Variants in DNAJC2 observed in about 807,000 individuals in gnomAD.
DNAJC2 encodes the protein DnaJ heat shock protein family (Hsp40) member C2, also known as dnaJ homolog subfamily C member 2.
DNAJC2 carries 32 observed loss-of-function variants against 94.0 expected under a neutral mutation model. That is an observed-to-expected ratio of 0.34 (90% CI 0.26 to 0.46). The LOEUF (loss-of-function observed/expected upper bound fraction) is 0.46, where lower values mean the gene tolerates loss of function less well. Among genes scored for constraint, DNAJC2 ranks in the 20% least tolerant of loss-of-function variants. The probability of loss-of-function intolerance (pLI) is 1.00; values close to 1 mark genes in which losing one functional copy is unlikely to be tolerated. For synonymous variants in DNAJC2, 210 were observed against 229.7 expected, an observed-to-expected ratio of 0.91 and a Z score of 0.77; for missense variants, 550 against 719.5, an observed-to-expected ratio of 0.76 and a Z score of 2.69.
intron 3 of DNAJC2, among the ~76,000 whole-genome samples, chr7:103,330,572 C>T (rs898485121): frequency 6.6e-6 from 1 of 152,144 alleles, no homozygotes; most frequent in East Asian, 1.9e-4. Flanking sequence ...CTGCCTCAGC[C>T]TCCTGAGTAG....
rs112202572 is a variant in DNAJC2 at position 103,313,543 on chromosome 7, G to A, written c.1637-442C>T. 1.4e-5 allele frequency: 14 copies of A among 983,266 alleles called. No homozygotes were observed. The African/African-American group carries it at 1.6e-4, about 11-fold the overall frequency. 60.9% of individuals were successfully genotyped at this position (983,266 alleles called of 1,614,324 possible). A position where few individuals can be genotyped will look rare whatever the true frequency, so the allele number is the denominator to read the frequency against. ...TAAACTTTTGCTGGATAGAAACCCT[G>A]GAAATCATTCTTGTTTTACACTGAA... On this transcript the variant is annotated intron_variant, in intron 15 of 16. Transcript: ENST00000379263.
At chr7:103,330,139 T>C (rs539729865) in intron 3 of DNAJC2, among the ~76,000 whole-genome samples, 1 of 152,228 alleles carries the variant, frequency 6.6e-6, no homozygotes, top group African/African-American at 2.4e-5. Flanking sequence ...GTGCTTTCAC[T>C]ACCTACTCAG....
chr7:103,320,561 C>A (rs1279372978), intron 10 of DNAJC2, among the ~76,000 whole-genome samples: 1 of 150,982 alleles, frequency 6.6e-6, no homozygotes, highest in African/African-American at 2.4e-5. Flanking sequence ...GAGATCGAGA[C>A]CATCCTGGCT....
intron 1 of DNAJC2, 42 bp downstream of exon 1, chr7:103,344,517 G>C (rs868456332): frequency 6.2e-7 from 1 of 1,609,058 alleles, no homozygotes; most frequent in Middle Eastern, 1.7e-4. Flanking sequence ...TGAGGCAGGG[G>C]CAGCTGAGGT....
intron 12 of DNAJC2, chr7:103,317,425 T>G (rs1382818974): frequency 6.2e-6 from 1 of 160,558 alleles, no homozygotes; most frequent in East Asian, 1.8e-4. Flanking sequence ...CCTCTTTTAT[T>G]TTGAAGCTCT....
intron 7 of DNAJC2, among the ~76,000 whole-genome samples, chr7:103,323,276 T>C (rs1236582735): frequency 6.6e-6 from 1 of 152,058 alleles, no homozygotes; most frequent in Admixed American, 6.6e-5. Flanking sequence ...TTTTTGCACA[T>C]TCATGTCAAA....
At chr7:103,322,478 T>C (rs368414937) in intron 9 of DNAJC2, 33 bp downstream of exon 9, 36 of 1,413,512 alleles carry the variant, frequency 2.5e-5, no homozygotes, top group Non-Finnish European at 1.9e-6. Flanking sequence ...TTCATAAACA[T>C]TTAAAGTCCA....
chr7:103,313,440 A>T, intron 15 of DNAJC2: 1 of 984,344 alleles, frequency 1.0e-6, no homozygotes, highest in Non-Finnish European at 1.2e-6. Flanking sequence ...TCTTGGACTC[A>T]AAAACACAAC....
chr7:103,321,856 AC>A lies in DNAJC2; in HGVS notation c.1083+75del. On this transcript the variant is annotated intron_variant, in intron 10 of 16. Coordinates refer to ENST00000379263, the MANE Select transcript of DNAJC2 (RefSeq NM_014377.3). ...GAGCGAGACCCCATCTAAAAAACAA[AC>A]AAACAAAAAGAAGTATTTTTGCTTA... The A allele has an allele frequency of 2.6e-6, 4 of 1,512,930 alleles. No homozygotes were observed. In the East Asian group the frequency reaches 9.3e-5, roughly 35 times the overall value. The allele number at this position is 1,512,930 out of a possible 1,614,324, so 93.7% of individuals were successfully genotyped here.
intron 15 of DNAJC2, chr7:103,313,650 T>C (rs181757757): frequency 2.0e-6 from 2 of 985,404 alleles, no homozygotes; most frequent in East Asian, 2.3e-4. Context: ...TGTGTTGTAG[T>C]GTGGTGTTCT....
intron 1 of DNAJC2, among the ~76,000 whole-genome samples, chr7:103,342,999 A>C (rs938491456): frequency 1.3e-5 from 2 of 151,416 alleles, no homozygotes; most frequent in African/African-American, 4.9e-5. Context: ...AACAACTCAA[A>C]CTATCTTTTT....
intron 10 of DNAJC2, 63 bp from the exon 11 acceptor site, chr7:103,319,907 A>G (rs1818286659): frequency 1.3e-6 from 2 of 1,537,870 alleles, no homozygotes; most frequent in Non-Finnish European, 1.8e-6. Flanking sequence ...CATAATTACA[A>G]AGCTGTAATC....
At chr7:103,340,569 T>G (rs1267196500) in intron 2 of DNAJC2, among the ~76,000 whole-genome samples, 1 of 152,198 alleles carries the variant, frequency 6.6e-6, no homozygotes, top group South Asian at 2.1e-4. Flanking sequence ...ACAATCTCAC[T>G]GTAGCAACAA....
At chr7:103,342,843 C>T (rs979422705) in intron 1 of DNAJC2, among the ~76,000 whole-genome samples, 2 of 151,260 alleles carry the variant, frequency 1.3e-5, no homozygotes, top group South Asian at 2.1e-4. Context: ...CTCCTGACCT[C>T]GTGATCCACC....
At chr7:103,324,984 C>A (rs981919737) in intron 5 of DNAJC2, among the ~76,000 whole-genome samples, 4 of 152,176 alleles carry the variant, frequency 2.6e-5, no homozygotes, top group Non-Finnish European at 5.9e-5. Flanking sequence ...TAATTTCCAC[C>A]TCATCACCAC....
chr7:103,342,397 C>A (rs1038741646), intron 1 of DNAJC2, among the ~76,000 whole-genome samples: 1 of 151,970 alleles, frequency 6.6e-6, no homozygotes, highest in Non-Finnish European at 1.5e-5. Context: ...TCTCCACCTC[C>A]CGGGTTCAAG....
chr7:103,329,881 A>G (rs911450584), intron 3 of DNAJC2, among the ~76,000 whole-genome samples: 9 of 152,204 alleles, frequency 5.9e-5, no homozygotes, highest in Non-Finnish European at 8.8e-5. Context: ...TACAAATAAT[A>G]TATTTATTTC....
At chr7:103,313,406 T>C in intron 15 of DNAJC2, 1 of 984,158 alleles carries the variant, frequency 1.0e-6, no homozygotes, top group Non-Finnish European at 1.2e-6. Flanking sequence ...AAAAGCCATA[T>C]TTAAATTTAT....
chr7:103,335,930 G>A (rs1819154679), intron 3 of DNAJC2: 1 of 152,326 alleles, frequency 6.6e-6, no homozygotes, highest in Non-Finnish European at 1.5e-5. Flanking sequence ...CATTCTGGGA[G>A]GCCGATGTGG....
Sources: gnomAD v4.1 joint callset for allele counts (sites outside exome capture counted in the v4.1 genomes callset) on GRCh38, gnomAD v4.1.1 for gene constraint, MANE v1.5 for transcripts, NCBI Gene and HGNC (gene_info 2026-07-23, HGNC 2026-07-21) for gene names.